TMEM245: variants seen among roughly 807,000 people sequenced by gnomAD.
TMEM245 encodes protein CG-2.
Under a neutral mutation model 101.2 loss-of-function variants are expected in TMEM245, and 69 were observed. The observed-to-expected ratio is 0.68, with a 90% confidence interval of 0.56 to 0.83. TMEM245 has a LOEUF of 0.83. TMEM245 is among the 40% of genes least tolerant of loss of function. TMEM245 has a pLI of 0.00. For missense variants in TMEM245, 1,075 were observed against 1,092.8 expected (o/e 0.98, Z 0.23); for synonymous variants, 537 against 449.8 (o/e 1.19, Z -2.45).
At chr9:109,076,045 T>C (rs1829488929) in intron 8 of TMEM245, among the ~76,000 whole-genome samples, 1 of 152,226 alleles carries the variant, frequency 6.6e-6, no homozygotes, top group South Asian at 2.1e-4. Context: ...CTTCATTTTC[T>C]TCCATTTTAA....
intron 15 of TMEM245, among the ~76,000 whole-genome samples, chr9:109,037,488 A>G (rs1375882368): frequency 2.6e-5 from 4 of 152,210 alleles, no homozygotes; most frequent in Non-Finnish European, 5.9e-5. Context: ...TGACTGGATC[A>G]TGGCGGGTGG....
At position 109,064,659 on chromosome 9, in the gene TMEM245, G is replaced by A. The variant is rs74566667; in HGVS notation, c.1533-92C>T. Reference sequence around the variant, plus strand: ...AACTTGATATGCTTAATCCATAACAGACAGACTGTTGATCATTCACCAATA... The same window carrying A: ...AACTTGATATGCTTAATCCATAACAAACAGACTGTTGATCATTCACCAATA... On this transcript the variant is annotated intron_variant, in intron 9 of 17. Coordinates refer to ENST00000374586, the MANE Select transcript of TMEM245 (RefSeq NM_032012.4). The A allele has an allele frequency of 2.3e-4, 239 of 1,020,438 alleles. 1 individual carries two copies. In the African/African-American group the frequency reaches 3.3e-3, roughly 14 times the overall value. The allele number at this position is 1,020,438 out of a possible 1,614,324, so 63.2% of individuals were successfully genotyped here. A position where few individuals can be genotyped will look rare whatever the true frequency, so the allele number is the denominator to read the frequency against.
Position 109,017,472 on chromosome 9 carries a change from A to G in TMEM245, c.*2988T>C, listed in dbSNP as rs748345586. 1 of 152,236 alleles carries G rather than the reference A, an allele frequency of 6.6e-6. No individual in the cohort carries two copies. Among genetic ancestry groups the G allele is most frequent in the Non-Finnish European group, 1.5e-5 (1 of 68,052 alleles). The allele number at this position is 152,236 out of a possible 1,614,324, so 9.4% of individuals were successfully genotyped here. A position where few individuals can be genotyped will look rare whatever the true frequency, so the allele number is the denominator to read the frequency against. On this transcript the variant is annotated 3_prime_UTR_variant, in exon 18 of 18. Transcript: ENST00000374586. ...AGAACTCAAACAGCACTCACATAAC[A>G]TGGAATTTATGCTGAAAATCCCATG... is the stretch of plus-strand genomic sequence containing the variant.
In TMEM245 at chr9:109,018,521, T is replaced by C. The variant is rs1371628285; in HGVS notation, c.*1939A>G. The C allele has an allele frequency of 2.6e-5, 4 of 152,132 alleles. No individual in the cohort carries two copies. The highest frequency in any genetic ancestry group is 2.6e-4 in the Admixed American group (4 of 15,272). The allele number at this position is 152,132 out of a possible 1,614,324, so 9.4% of individuals were successfully genotyped here. On this transcript the variant is annotated 3_prime_UTR_variant, in exon 18 of 18. Coordinates refer to ENST00000374586, the MANE Select transcript of TMEM245 (RefSeq NM_032012.4). ...ATCGCTAAAATATTCATAATAGAAA[T>C]AAAGAGATCTGTATGCAGTCTACTC...
Position 109,119,570 on chromosome 9 carries a change from G to T in TMEM245, c.344C>A (p.Ala115Glu). The T allele has an allele frequency of 6.5e-7, 1 of 1,540,926 alleles. No homozygotes were observed. ...GRHWLQRLHRAHTPIVLAALL... is the reference protein window; with the variant it reads ...GRHWLQRLHREHTPIVLAALL... The stretch of plus-strand genomic sequence containing the variant: ...CGCGGCCAGGACGATGGGCGTGTGC[G>T]CGCGGTGCAGGCGCTGCAGCCAGTG... The change falls in exon 1 of 18, where the codon GCG (alanine) becomes GAG (glutamate). Residue 115 changes from alanine to glutamate, a missense_variant. This residue lies in a region of TMEM245 where 808 missense variants were observed against 741.5 expected (regional missense o/e 1.09). Coordinates refer to ENST00000374586, the MANE Select transcript of TMEM245 (RefSeq NM_032012.4).
At position 109,048,514 on chromosome 9, in the gene TMEM245, G is replaced by A. The variant is rs527243674; in HGVS notation, c.2123+1769C>T. Reference sequence around the variant, plus strand: ...AAAGTATGTGGAGACAGAAATGCCAGCCAAAGATTTGCTATTCAAGAGATG... The same window carrying A: ...AAAGTATGTGGAGACAGAAATGCCAACCAAAGATTTGCTATTCAAGAGATG... On this transcript the variant is annotated intron_variant, in intron 14 of 17. Coordinates refer to ENST00000374586, the MANE Select transcript of TMEM245 (RefSeq NM_032012.4). Among the ~76,000 whole-genome samples, 3 of 152,204 alleles carry A rather than the reference G, an allele frequency of 2.0e-5. No homozygotes were observed. The South Asian group carries it at 6.2e-4, about 32-fold the overall frequency.
intron 17 of TMEM245, among the ~76,000 whole-genome samples, chr9:109,028,248 G>A (rs951654283): frequency 4.6e-5 from 7 of 151,440 alleles, no homozygotes; most frequent in African/African-American, 7.3e-5. Context: ...TCAGGAGTTC[G>A]AGACCAGCCT....
At chr9:109,116,515 G>T (rs887674634) in intron 1 of TMEM245, among the ~76,000 whole-genome samples, 4 of 151,304 alleles carry the variant, frequency 2.6e-5, no homozygotes, top group Admixed American at 2.0e-4. Flanking sequence ...ACTGTGCCTG[G>T]CCTTTAATCA....
chr9:109,119,778 A>C lies in TMEM245; in HGVS notation c.136T>G (p.Phe46Val), dbSNP rs1443061136. 14 of 1,483,846 alleles carry C rather than the reference A, an allele frequency of 9.4e-6. No individual in the cohort carries two copies. The highest frequency in any genetic ancestry group is 1.2e-5 in the Non-Finnish European group (13 of 1,120,710). The allele number at this position is 1,483,846 out of a possible 1,614,324, so 91.9% of individuals were successfully genotyped here. Residue 46 changes from phenylalanine (F) to valine (V), a missense_variant, in exon 1 of 18, where the codon TTC becomes GTC. By Grantham distance (50) the Phe-to-Val change is conservative (BLOSUM62 -1). Around this residue, in one of 2 missense-constraint regions of TMEM245, gnomAD observed 808 missense variants for 741.5 expected, o/e 1.09. Coordinates refer to ENST00000374586, the MANE Select transcript of TMEM245 (RefSeq NM_032012.4). ...TPRTAALALR[F>V]DKPIKQAFYN... ...AAGGCCTGCTTAATGGGCTTGTCGA[A>C]GCGCAGCGCCAGCGCCGCGGTCCGC...
intron 3 of TMEM245, among the ~76,000 whole-genome samples, chr9:109,105,993 C>G (rs546565613): frequency 8.5e-5 from 13 of 152,236 alleles, no homozygotes; most frequent in Non-Finnish European, 1.6e-4. Flanking sequence ...AGGCTGGTCT[C>G]GAACTCCTGA....
At chr9:109,110,640 C>T (rs939592285) in intron 1 of TMEM245, among the ~76,000 whole-genome samples, 2 of 151,886 alleles carry the variant, frequency 1.3e-5, no homozygotes, top group Non-Finnish European at 2.9e-5. Context: ...TTAAACATTA[C>T]GTCAGTCACT....
At chr9:109,073,978 A>G (rs7860096) in intron 8 of TMEM245, among the ~76,000 whole-genome samples, 20,342 of 150,384 alleles carry the variant, frequency 0.14, 1,599 homozygotes, top group African/African-American at 0.19. Flanking sequence ...CTCGTGCCTC[A>G]GTCTCCTGAG....
chr9:109,062,315 G>A (rs1829040859), intron 10 of TMEM245, among the ~76,000 whole-genome samples: 1 of 152,128 alleles, frequency 6.6e-6, no homozygotes, highest in Non-Finnish European at 1.5e-5. Flanking sequence ...GCATTTTAAT[G>A]GCTCTTGCTA....
chr9:109,095,598 T>C (rs1588071290), intron 3 of TMEM245, among the ~76,000 whole-genome samples: 1 of 152,310 alleles, frequency 6.6e-6, no homozygotes, highest in East Asian at 1.9e-4. Flanking sequence ...AGGACTTTAG[T>C]GTTTATTCTA....
chr9:109,060,406 T>G lies in TMEM245; in HGVS notation c.1670A>C (p.Glu557Ala). 6.2e-7 allele frequency: 1 copy of G among 1,613,886 alleles called. No individual in the cohort carries two copies. The highest frequency in any genetic ancestry group is 8.5e-7 in the Non-Finnish European group (1 of 1,179,864). ...GDKVNNTAVI[E>A]KQVLELWDRL... Reference sequence around the variant, plus strand: ...GTCCCAAAGTTCTAGTACTTGCTTTTCAATTACAGCAGTATTGTTCACCTT... The same window carrying G: ...GTCCCAAAGTTCTAGTACTTGCTTTGCAATTACAGCAGTATTGTTCACCTT... Residue 557 changes from glutamate (E) to alanine (A), a missense_variant, in exon 11 of 18, where the codon GAA (glutamate) becomes GCA (alanine). Glu to Ala is a moderately radical substitution (Grantham distance 107). Coordinates refer to ENST00000374586, the MANE Select transcript of TMEM245 (RefSeq NM_032012.4).
chr9:109,109,329 A>G (rs990704416), intron 1 of TMEM245, among the ~76,000 whole-genome samples: 2 of 152,086 alleles, frequency 1.3e-5, no homozygotes, highest in Non-Finnish European at 1.5e-5. Context: ...TTAATAGAAC[A>G]TTTATAAAAC....
At chr9:109,095,110 C>T (rs1830104412) in intron 3 of TMEM245, among the ~76,000 whole-genome samples, 1 of 152,128 alleles carries the variant, frequency 6.6e-6, no homozygotes, top group Non-Finnish European at 1.5e-5. Context: ...GATAGGGTAT[C>T]GTATCTCTCA....
chr9:109,063,376 C>G (rs1829073366), intron 10 of TMEM245, among the ~76,000 whole-genome samples: 1 of 152,178 alleles, frequency 6.6e-6, no homozygotes, highest in African/African-American at 2.4e-5. Context: ...CTGCCTTGGC[C>G]TCCCAAAGTG....
chr9:109,030,393 G>A (rs1827910943), intron 17 of TMEM245, among the ~76,000 whole-genome samples: 1 of 152,134 alleles, frequency 6.6e-6, no homozygotes, highest in African/African-American at 2.4e-5. Context: ...TGTACTTTTA[G>A]AAGGACAAAG....
Sources: gnomAD v4.1 joint callset for allele counts (sites outside exome capture counted in the v4.1 genomes callset) on GRCh38, gnomAD v4.1.1 for gene constraint, gnomAD v4.1.1 regional missense constraint, MANE v1.5 for transcripts, NCBI Gene and HGNC (gene_info 2026-07-23, HGNC 2026-07-21) for gene names.